AFMID: variants seen among roughly 807,000 people sequenced by gnomAD.
AFMID encodes arylformamidase.
A neutral mutation model predicts 47.5 loss-of-function variants in AFMID; 39 were observed. The observed-to-expected ratio is 0.82, with a 90% CI of 0.64 to 1.07. AFMID has a LOEUF of 1.07. AFMID is among the 50% of genes least tolerant of loss of function. The pLI, the probability that AFMID is intolerant of heterozygous loss-of-function variation, is 0.00. For synonymous variants in AFMID, 130 were observed against 153.2 expected (o/e 0.85, Z 1.12); for missense variants, 375 against 387.5 (o/e 0.97, Z 0.27).
At chr17:78,205,058 G>A (rs766431809) in intron 6 of AFMID, 35 bp from the exon 7 acceptor site, 31 of 1,585,234 alleles carry the variant, frequency 2.0e-5, no homozygotes, top group Admixed American at 5.3e-5. Flanking sequence ...GGGAAACTGC[G>A]TGCAAATCCA....
intron 2 of AFMID, among the ~76,000 whole-genome samples, chr17:78,195,519 T>TG (rs199885547): frequency 6.9e-6 from 1 of 145,258 alleles, no homozygotes. Flanking sequence ...TTTTTTTTTT[T>TG]GGGGCGGAGT....
chr17:78,197,006 G>A (rs1567847892), intron 2 of AFMID: 1 of 745,766 alleles, frequency 1.3e-6, no homozygotes, highest in South Asian at 1.7e-5. Context: ...GGTTAGTAGA[G>A]TTTTTTAATA....
intron 2 of AFMID, among the ~76,000 whole-genome samples, chr17:78,200,429 T>A (rs999481364): frequency 2.0e-5 from 3 of 152,192 alleles, no homozygotes; most frequent in African/African-American, 4.8e-5. Flanking sequence ...CCAGCTGGGA[T>A]TGCAGGTTCC....
At chr17:78,193,223 T>C (rs1256106812) in intron 2 of AFMID, among the ~76,000 whole-genome samples, 2 of 151,422 alleles carry the variant, frequency 1.3e-5, no homozygotes, top group East Asian at 1.9e-4. Flanking sequence ...TATAAAAAAT[T>C]AGCCAGGCAT....
chr17:78,202,752 G>C lies in AFMID; in HGVS notation c.308+1G>C, dbSNP rs1389164154. The C allele has an allele frequency of 6.4e-7, 1 of 1,556,534 alleles. No homozygotes were observed. Among genetic ancestry groups the C allele is most frequent in the Middle Eastern group, 1.8e-4 (1 of 5,596 alleles). On this transcript the variant is annotated splice_donor_variant, in intron 4 of 10. Transcript: ENST00000409257. LOFTEE classifies it high-confidence loss of function. ...ACGGAGGATACTGGCAGAGCGGAAG[G>C]TGAGTCGGGGGATGTGGATGGTGGA...
At chr17:78,188,813 G>T (rs4789549) in intron 1 of AFMID, among the ~76,000 whole-genome samples, 2 of 152,098 alleles carry the variant, frequency 1.3e-5, no homozygotes, top group South Asian at 2.1e-4. Context: ...TAGCCAGGAT[G>T]GTCTCCAACT....
Position 78,202,539 on chromosome 17 carries a change from T to A in AFMID, c.195T>A (p.His65Gln), listed in dbSNP as rs1599010259. Residue 65 changes from histidine (H) to glutamine (Q), a missense_variant, in exon 3 of 11, where the codon CAT becomes CAA. By Grantham distance (24) the His-to-Gln change is conservative. Coordinates refer to ENST00000409257, the MANE Select transcript of AFMID (RefSeq NM_001010982.5). ...GGGCCACCAGGAAGAGCCTGCTGCA[T>A]GTCCCCTATGGAGACGGCGAAGGGG... ...RARATRKSLLHVPYGDGEGEK... is the reference protein window; with the variant it reads ...RARATRKSLLQVPYGDGEGEK... The A allele has an allele frequency of 6.2e-7, 1 of 1,614,026 alleles. No homozygotes were observed.
intron 1 of AFMID, 164 bp from the exon 2 acceptor site, chr17:78,190,806 G>A (rs2075945697): frequency 5.1e-6 from 3 of 588,038 alleles, no homozygotes; most frequent in South Asian, 4.4e-5. Flanking sequence ...CACAGCGGTC[G>A]CTGGTATACC....
intron 1 of AFMID, among the ~76,000 whole-genome samples, chr17:78,190,128 CTGTT>C (rs1417513634): frequency 6.6e-6 from 1 of 151,518 alleles, no homozygotes; most frequent in African/African-American, 2.4e-5. Flanking sequence ...CGCCCAGCCT[CTGTT>C]TTTTTTTTTC....
intron 2 of AFMID, among the ~76,000 whole-genome samples, chr17:78,195,647 C>T (rs762837776): frequency 5.0e-4 from 76 of 151,828 alleles, no homozygotes; most frequent in Non-Finnish European, 9.0e-4. Flanking sequence ...GGATTACAGG[C>T]GTGCGCCACC....
intron 4 of AFMID, 112 bp downstream of exon 4, chr17:78,202,863 G>C: frequency 7.7e-7 from 1 of 1,302,890 alleles, no homozygotes; most frequent in Non-Finnish European, 1.1e-6. Context: ...ACTCCTTGCA[G>C]GGCTGTGTCT....
chr17:78,197,514 C>A (rs2076143572), intron 2 of AFMID: 1 of 312,404 alleles, frequency 3.2e-6, no homozygotes, highest in Non-Finnish European at 5.9e-6. Context: ...TGATCTTGGA[C>A]TTCCAGTTTG....
rs142237411 is a variant in AFMID, at chr17:78,204,860, C to T, written c.427C>T (p.Arg143Cys). Residue 143 changes from arginine to cysteine, a missense_variant, in exon 6 of 11, where the codon CGC becomes TGC. Transcript: ENST00000409257. ...GGACCACATGGTAGACCAGGTGACC[C>T]GCAGCGTTGCGTTTGTCCAGAAGCG... is the stretch of plus-strand genomic sequence containing the variant. ...TLDHMVDQVT[R>C]SVAFVQKRYP... The T allele has an allele frequency of 2.0e-5, 33 of 1,614,070 alleles. No homozygotes were observed. Among genetic ancestry groups the T allele is most frequent in the Admixed American group, 5.0e-5 (3 of 59,994 alleles).
chr17:78,205,074 C>T lies in AFMID; in HGVS notation c.468-19C>T, dbSNP rs1156851172. 6.2e-7 allele frequency: 1 copy of T among 1,600,564 alleles called. No homozygotes were observed. The highest frequency in any genetic ancestry group is 2.3e-5 in the East Asian group (1 of 44,428). On this transcript the variant is annotated intron_variant, in intron 6 of 10. Transcript: ENST00000409257. ...GGAAACTGCGTGCAAATCCAGCTCT[C>T]TGCTCTGACCCCTCCCAGGGGAATT...
rs761874452 is a variant in AFMID, at chr17:78,187,476, T to G, written c.63+43T>G. ...AGGGACTAAGGGGCTGGGGCGGAGT[T>G]AGCTCATTTATTAGATTGGAATTCC... On this transcript the variant is annotated intron_variant, in intron 1 of 10. Transcript: ENST00000409257. 81 of 1,607,156 alleles carry G rather than the reference T, an allele frequency of 5.0e-5. No individual in the cohort carries two copies. The highest frequency in any genetic ancestry group is 6.4e-5 in the Non-Finnish European group (75 of 1,174,606).
chr17:78,194,259 G>A (rs2076051940), intron 2 of AFMID, among the ~76,000 whole-genome samples: 1 of 151,906 alleles, frequency 6.6e-6, no homozygotes, highest in Non-Finnish European at 1.5e-5. Context: ...CCGAGTAGCT[G>A]GAATTTACAG....
intron 2 of AFMID, among the ~76,000 whole-genome samples, chr17:78,199,278 A>G (rs2076188749): frequency 6.6e-6 from 1 of 152,214 alleles, no homozygotes; most frequent in African/African-American, 2.4e-5. Flanking sequence ...CGCAATTCGT[A>G]CAAGCTCTCA....
rs769765252 is a variant in AFMID, at chr17:78,191,067, G to A, written c.154+7G>A. 1 of 1,613,148 alleles carries A rather than the reference G, an allele frequency of 6.2e-7. No individual in the cohort carries two copies. Among genetic ancestry groups the A allele is most frequent in the East Asian group, 2.2e-5 (1 of 44,864 alleles). On this transcript the variant is annotated splice_region_variant and intron_variant, in intron 2 of 10. Coordinates refer to ENST00000409257, the MANE Select transcript of AFMID (RefSeq NM_001010982.5). The stretch of plus-strand genomic sequence containing the variant: ...TCACAGATAGGAATTGAAGGTACTA[G>A]TGTGACCTCTCCGTGGCCGCATTGG...
Position 78,191,085 on chromosome 17 carries a change from C to T in AFMID, c.154+25C>T, listed in dbSNP as rs758990958. The T allele has an allele frequency of 4.4e-6, 7 of 1,595,334 alleles. 1 individual carries two copies. The highest frequency in any genetic ancestry group is 4.5e-5 in the East Asian group (2 of 44,712). On this transcript the variant is annotated intron_variant, in intron 2 of 10. Transcript: ENST00000409257. Reference sequence around the variant, plus strand: ...GGTACTAGTGTGACCTCTCCGTGGCCGCATTGGGTGTCCTTAAGCATGTGG... The same window carrying T: ...GGTACTAGTGTGACCTCTCCGTGGCTGCATTGGGTGTCCTTAAGCATGTGG...
Sources: allele counts gnomAD v4.1 joint callset (sites outside exome capture counted in the v4.1 genomes callset), GRCh38; gene constraint gnomAD v4.1.1; transcripts MANE v1.5; gene names NCBI Gene and HGNC (gene_info 2026-07-23, HGNC 2026-07-21).